The following TNFRSF9 variants were observed in gnomAD, a reference collection of about 807,000 sequenced individuals.
The protein encoded by TNFRSF9 is tumor necrosis factor receptor superfamily member 9.
Under a neutral mutation model 28.8 loss-of-function variants are expected in TNFRSF9, and 16 were observed. The observed-to-expected ratio is 0.55, with a 90% confidence interval of 0.38 to 0.84. The LOEUF (loss-of-function observed/expected upper bound fraction) is 0.84, where lower values mean the gene tolerates loss of function less well. Among genes scored for constraint, TNFRSF9 ranks in the 40% least tolerant of loss-of-function variants. The pLI, the probability that TNFRSF9 is intolerant of heterozygous loss-of-function variation, is 0.00. For missense variants in TNFRSF9, 303 were observed against 315.0 expected (o/e 0.96, Z 0.29); for synonymous variants, 131 against 117.0 (o/e 1.12, Z -0.77).
chr1:7,923,050 C>G (rs1639586069), intron 7 of TNFRSF9, among the ~76,000 whole-genome samples: 1 of 151,702 alleles, frequency 6.6e-6, no homozygotes, highest in South Asian at 2.1e-4. Context: ...CTACAGGTGC[C>G]CGCCACCAGG....
chr1:7,922,939 G>A (rs1327764295), intron 7 of TNFRSF9, among the ~76,000 whole-genome samples: 3 of 140,118 alleles, frequency 2.1e-5, no homozygotes, highest in Admixed American at 7.7e-5. Context: ...GTCTCACTCT[G>A]TTGCCCAGGC....
intron 7 of TNFRSF9, among the ~76,000 whole-genome samples, chr1:7,924,990 A>C (rs1162834053): frequency 3.3e-5 from 5 of 152,176 alleles, no homozygotes; most frequent in Admixed American, 6.5e-5. Flanking sequence ...GAGTTATTAC[A>C]AAAGAGTCAA....
At chr1:7,932,298 G>A (rs1639742636) in intron 7 of TNFRSF9, among the ~76,000 whole-genome samples, 1 of 152,146 alleles carries the variant, frequency 6.6e-6, no homozygotes, top group Non-Finnish European at 1.5e-5. Context: ...TATTAAGCCT[G>A]TTATGTCTCA....
rs555230670 is a variant in TNFRSF9, at chr1:7,916,112, T to C, written c.*4723A>G. The C allele has an allele frequency of 2.0e-5, 3 of 152,298 alleles. No individual in the cohort carries two copies. The highest frequency in any genetic ancestry group is 1.9e-4 in the East Asian group (1 of 5,186). The allele number at this position is 152,298 out of a possible 1,614,324, so 9.4% of individuals were successfully genotyped here. ...ATCAAAACTTTCCGTCAGAGTGATA[T>C]CTTCCACTAAAGAAAAAAAATTAAA... On this transcript the variant is annotated 3_prime_UTR_variant, in exon 8 of 8. Transcript: ENST00000377507.
At position 7,929,157 on chromosome 1, in the gene TNFRSF9, C is replaced by CTTTTTTTTTTTTTTTT. The variant is rs1491203940; in HGVS notation, c.679+4004_679+4005insAAAAAAAAAAAAAAAA. Among the ~76,000 whole-genome samples the CTTTTTTTTTTTTTTTT allele has an allele frequency of 6.4e-4, 42 of 65,434 alleles. 3 individuals carry two copies. The highest frequency in any genetic ancestry group is 1.2e-3 in the Non-Finnish European group (30 of 25,480). 42.9% of individuals were successfully genotyped at this position (65,434 alleles called of 152,430 possible). A position where few individuals can be genotyped will look rare whatever the true frequency, so the allele number is the denominator to read the frequency against. ...CTCAGTTTTTCTTTTTTTTCTTTTT[C>CTTTTTTTTTTTTTTTT]CTTTTTTTTTTTTTTTTTTTTTGAG... is the stretch of plus-strand genomic sequence containing the variant. On this transcript the variant is annotated intron_variant, in intron 7 of 7. Transcript: ENST00000377507.
At position 7,920,880 on chromosome 1, in the gene TNFRSF9, A is replaced by G; in HGVS notation, c.723T>C (p.Cys241=). 6.2e-7 allele frequency: 1 copy of G among 1,614,036 alleles called. No homozygotes were observed. The change falls in exon 8 of 8, where the codon TGT becomes TGC. Residue 241 remains cysteine, a synonymous_variant. Coordinates refer to ENST00000377507, the MANE Select transcript of TNFRSF9 (RefSeq NM_001561.6). ...CTTCTTCTTCTGGAAATCGGCAGCTACAGCCATCTTCCTCTTGAGTAGTTT... is the reference window on the plus strand; with the variant it reads ...CTTCTTCTTCTGGAAATCGGCAGCTGCAGCCATCTTCCTCTTGAGTAGTTT... ...PVQTTQEEDG[C]SCRFPEEEEG... is the part of the protein sequence containing the mutation.
At chr1:7,926,605 A>G (rs1223742113) in intron 7 of TNFRSF9, among the ~76,000 whole-genome samples, 2 of 152,224 alleles carry the variant, frequency 1.3e-5, no homozygotes, top group Non-Finnish European at 2.9e-5. Flanking sequence ...ATGCAAAGGA[A>G]CTAGAATAGA....
chr1:7,935,547 C>T (rs1200429249), intron 5 of TNFRSF9, among the ~76,000 whole-genome samples: 1 of 152,192 alleles, frequency 6.6e-6, no homozygotes, highest in Non-Finnish European at 1.5e-5. Context: ...CTCTGTAACC[C>T]CAGCATGGTG....
In TNFRSF9 at chr1:7,933,245, A is replaced by G; in HGVS notation, c.596T>C (p.Leu199Ser). The G allele has an allele frequency of 6.2e-7, 1 of 1,614,006 alleles. No individual in the cohort carries two copies. The stretch of plus-strand genomic sequence containing the variant: ...CGTGAGGAAGAACAGCAGGAAGAGC[A>G]ACGCAGTCGACGTCAGCGCAAGAAA... ...SFFLALTSTA[L>S]LFLLFFLTLR... is the part of the protein sequence containing the mutation. The change falls in exon 7 of 8, where the codon TTG becomes TCG. Residue 199 changes from leucine to serine, a missense_variant. Leu to Ser is a moderately radical substitution (Grantham distance 145). Coordinates refer to ENST00000377507, the MANE Select transcript of TNFRSF9 (RefSeq NM_001561.6).
At chr1:7,938,608 A>C in intron 3 of TNFRSF9, 113 bp downstream of exon 3, 2 of 955,820 alleles carry the variant, frequency 2.1e-6, no homozygotes, top group Non-Finnish European at 3.1e-6. Flanking sequence ...GGTTGGCAGA[A>C]GAATCAGTCT....
At chr1:7,938,351 CCAA>C in intron 3 of TNFRSF9, 21 bp from the exon 4 acceptor site, 1 of 1,574,240 alleles carries the variant, frequency 6.4e-7, no homozygotes, top group South Asian at 1.2e-5. Flanking sequence ...CCCCCAGCCC[CCAA>C]CATTTTATTA....
At chr1:7,929,333 C>T (rs1639700036) in intron 7 of TNFRSF9, among the ~76,000 whole-genome samples, 1 of 151,518 alleles carries the variant, frequency 6.6e-6, no homozygotes, top group Non-Finnish European at 1.5e-5. Context: ...GCAGGGCTAA[C>T]TTTTTGTATT....
intron 3 of TNFRSF9, 128 bp from the exon 4 acceptor site, chr1:7,938,458 C>T: frequency 9.1e-7 from 1 of 1,096,492 alleles, no homozygotes; most frequent in Non-Finnish European, 1.2e-6. Flanking sequence ...TTAAAGTTTA[C>T]TTTTAAATCT....
At position 7,920,460 on chromosome 1, in the gene TNFRSF9, C is replaced by A; in HGVS notation, c.*375G>T. ...AGGAGTTTGAGACCAGCCTGTACAACATGGTGAAATGCCATCTTTACCAAA... is the reference window on the plus strand; with the variant it reads ...AGGAGTTTGAGACCAGCCTGTACAAAATGGTGAAATGCCATCTTTACCAAA... On this transcript the variant is annotated 3_prime_UTR_variant, in exon 8 of 8. Coordinates refer to ENST00000377507, the MANE Select transcript of TNFRSF9 (RefSeq NM_001561.6). The A allele has an allele frequency of 4.9e-6, 1 of 202,842 alleles. No individual in the cohort carries two copies. The highest frequency in any genetic ancestry group is 1.0e-5 in the Non-Finnish European group (1 of 99,454). 12.6% of individuals were successfully genotyped at this position (202,842 alleles called of 1,614,324 possible).
chr1:7,939,223 G>A (rs951975089), intron 2 of TNFRSF9, among the ~76,000 whole-genome samples: 2 of 151,424 alleles, frequency 1.3e-5, no homozygotes, highest in Admixed American at 1.3e-4. Flanking sequence ...GGGAGGCTGA[G>A]GCAGGAGAAT....
Position 7,917,960 on chromosome 1 carries a change from A to T in TNFRSF9, c.*2875T>A, listed in dbSNP as rs894551290. ...GGGAAAAATAAATTACAAAGGATAT[A>T]TATATATATATATATAGATATAGAT... On this transcript the variant is annotated 3_prime_UTR_variant, in exon 8 of 8. Coordinates refer to ENST00000377507, the MANE Select transcript of TNFRSF9 (RefSeq NM_001561.6). The T allele has an allele frequency of 9.1e-5, 12 of 132,434 alleles. No homozygotes were observed. The highest frequency in any genetic ancestry group is 2.3e-4 in the Admixed American group (3 of 13,054). The allele number at this position is 132,434 out of a possible 1,614,324, so 8.2% of individuals were successfully genotyped here.
At chr1:7,938,558 A>G (rs1320679031) in intron 3 of TNFRSF9, among the ~76,000 whole-genome samples, 163 bp downstream of exon 3, 2 of 152,226 alleles carry the variant, frequency 1.3e-5, no homozygotes, top group East Asian at 3.8e-4. Flanking sequence ...TCAGTCCACA[A>G]ATAATTGCTG....
chr1:7,940,187 G>A (rs1262074971), intron 1 of TNFRSF9, 109 bp from the exon 2 acceptor site: 1 of 425,084 alleles, frequency 2.4e-6, no homozygotes, highest in Non-Finnish European at 4.3e-6. Flanking sequence ...GGGTTTTTCA[G>A]GAACAATTAA....
rs1639548811 is a variant in TNFRSF9 at position 7,920,906 on chromosome 1, G to A, written c.697C>T (p.Gln233Ter). 3 of 1,613,062 alleles carry A rather than the reference G, an allele frequency of 1.9e-6. No homozygotes were observed. The highest frequency in any genetic ancestry group is 2.5e-6 in the Non-Finnish European group (3 of 1,179,576). The change falls in exon 8 of 8, where the codon CAA becomes TAA. Residue 233 changes from glutamine to a stop codon, truncating the protein, a stop_gained. Coordinates refer to ENST00000377507, the MANE Select transcript of TNFRSF9 (RefSeq NM_001561.6). LOFTEE classifies it high-confidence loss of function. ...IFKQPFMRPVQTTQEEDGCSC... is the reference protein window; with the variant it reads ...IFKQPFMRPV ...CAGCCATCTTCCTCTTGAGTAGTTT[G>A]TACTGGTCTCATAAATGCTAAAAAA...
Sources: gnomAD v4.1 joint callset for allele counts (sites outside exome capture counted in the v4.1 genomes callset) on GRCh38, gnomAD v4.1.1 for gene constraint, MANE v1.5 for transcripts, NCBI Gene and HGNC (gene_info 2026-07-23, HGNC 2026-07-21) for gene names.